Variants in UBE2R2 observed in about 807,000 individuals in gnomAD.
UBE2R2 encodes the protein ubiquitin-conjugating enzyme E2 R2.
In UBE2R2, 1 loss-of-function variant was observed where a neutral mutation model predicts 27.8. The observed-to-expected ratio is 0.04, with a 90% CI of 0.01 to 0.17. The LOEUF is 0.17. Ranked by LOEUF, UBE2R2 falls within the 10% of genes least tolerant of loss-of-function variation. The pLI, the probability that UBE2R2 is intolerant of heterozygous loss-of-function variation, is 1.00. For synonymous variants in UBE2R2, 106 were observed against 113.3 expected, an observed-to-expected ratio of 0.94 and a Z score of 0.41; for missense variants, 100 against 291.0, an observed-to-expected ratio of 0.34 and a Z score of 4.78.
Position 33,895,723 on chromosome 9 carries a change from A to G in UBE2R2, c.265-4451A>G, listed in dbSNP as rs186821892. Among the ~76,000 whole-genome samples, 67 of 150,836 alleles carry G rather than the reference A, an allele frequency of 4.4e-4. 1 individual carries two copies. In the East Asian group the frequency reaches 0.011, roughly 25 times the overall value. On this transcript the variant is annotated intron_variant, in intron 2 of 4. Transcript: ENST00000263228. ...AGCACCGTTTTGTAGTTTTCAACGT[A>G]CAAGTCTTTTCCCTTCCATGACTAG...
chr9:33,920,174 A>G lies in UBE2R2; in HGVS notation c.*2937A>G, dbSNP rs1340074240. 2 of 143,518 alleles carry G rather than the reference A, an allele frequency of 1.4e-5. No individual in the cohort carries two copies. Among genetic ancestry groups the G allele is most frequent in the African/African-American group, 2.8e-5 (1 of 36,030 alleles). The allele number at this position is 143,518 out of a possible 1,614,324, so 8.9% of individuals were successfully genotyped here. A position where few individuals can be genotyped will look rare whatever the true frequency, so the allele number is the denominator to read the frequency against. ...ACAAACAAGGTTTACATTTACAACTAAAAGGATTCAGATGCAATTTTCAAC... is the reference window on the plus strand; with the variant it reads ...ACAAACAAGGTTTACATTTACAACTGAAAGGATTCAGATGCAATTTTCAAC... On this transcript the variant is annotated 3_prime_UTR_variant, in exon 5 of 5. Transcript: ENST00000263228.
At chr9:33,895,772 T>C (rs1220369571) in intron 2 of UBE2R2, among the ~76,000 whole-genome samples, 4 of 139,790 alleles carry the variant, frequency 2.9e-5, no homozygotes, top group Non-Finnish European at 6.2e-5. Context: ...CTCTCTCTTT[T>C]TTTTTTTTTT....
At chr9:33,914,882 A>C (rs1677984539) in intron 4 of UBE2R2, among the ~76,000 whole-genome samples, 1 of 152,052 alleles carries the variant, frequency 6.6e-6, no homozygotes, top group African/African-American at 2.4e-5. Context: ...CACGCCTGTA[A>C]TCCCAGGACT....
At chr9:33,836,264 A>G (rs1259049512) in intron 1 of UBE2R2, among the ~76,000 whole-genome samples, 2 of 152,218 alleles carry the variant, frequency 1.3e-5, no homozygotes, top group Non-Finnish European at 2.9e-5. Flanking sequence ...AGGCTATACC[A>G]TATAGCCTAG....
intron 1 of UBE2R2, among the ~76,000 whole-genome samples, chr9:33,831,297 G>A (rs1820473572): frequency 6.6e-6 from 1 of 151,766 alleles, no homozygotes; most frequent in Admixed American, 6.6e-5. Context: ...AAGAAACAGT[G>A]GCTTAAATCT....
chr9:33,858,551 A>T (rs1821156916), intron 1 of UBE2R2, among the ~76,000 whole-genome samples: 1 of 151,968 alleles, frequency 6.6e-6, no homozygotes, highest in Admixed American at 6.6e-5. Flanking sequence ...AGTAGCTGGG[A>T]TGCACCACCA....
At chr9:33,869,991 AATG>A (rs1275355462) in intron 1 of UBE2R2, among the ~76,000 whole-genome samples, 1 of 138,546 alleles carries the variant, frequency 7.2e-6, no homozygotes, top group Admixed American at 7.2e-5. Flanking sequence ...GGATTACAGG[AATG>A]TGCTACCACA....
chr9:33,871,619 A>G (rs184549112), intron 1 of UBE2R2, among the ~76,000 whole-genome samples: 3 of 152,248 alleles, frequency 2.0e-5, no homozygotes, highest in Non-Finnish European at 4.4e-5. Flanking sequence ...TTAGTCAAAA[A>G]AGATGTAAGG....
intron 2 of UBE2R2, among the ~76,000 whole-genome samples, chr9:33,891,299 A>C (rs1041403493): frequency 1.4e-5 from 2 of 148,022 alleles, no homozygotes. Flanking sequence ...TCGGCCTCCC[A>C]AAGTGCTGGG....
chr9:33,829,641 T>G (rs1820401153), intron 1 of UBE2R2, among the ~76,000 whole-genome samples: 1 of 152,196 alleles, frequency 6.6e-6, no homozygotes, highest in African/African-American at 2.4e-5. Context: ...GTTTATGCTT[T>G]TAAAATAATA....
intron 2 of UBE2R2, among the ~76,000 whole-genome samples, chr9:33,888,606 T>C (rs1028737569): frequency 2.6e-5 from 4 of 152,168 alleles, no homozygotes; most frequent in Admixed American, 1.3e-4. Flanking sequence ...AACCTCCACC[T>C]CCTGGGTTCA....
At chr9:33,832,125 A>T (rs938417550) in intron 1 of UBE2R2, among the ~76,000 whole-genome samples, 1 of 146,936 alleles carries the variant, frequency 6.8e-6, no homozygotes, top group Non-Finnish European at 1.5e-5. Context: ...CCTGACCAAT[A>T]TGGAGAAACC....
chr9:33,848,700 C>G (rs1820898167), intron 1 of UBE2R2, among the ~76,000 whole-genome samples: 3 of 151,660 alleles, frequency 2.0e-5, no homozygotes, highest in Middle Eastern at 6.8e-3. Flanking sequence ...CTCCCAGGTT[C>G]TAGCAATTCT....
chr9:33,887,176 G>T (rs1821878769), intron 2 of UBE2R2, among the ~76,000 whole-genome samples: 1 of 152,144 alleles, frequency 6.6e-6, no homozygotes, highest in South Asian at 2.1e-4. Context: ...ACAGGATAAA[G>T]GATAAAGTAA....
At chr9:33,845,267 G>A (rs1456963045) in intron 1 of UBE2R2, among the ~76,000 whole-genome samples, 1 of 138,490 alleles carries the variant, frequency 7.2e-6, no homozygotes, top group African/African-American at 2.6e-5. Context: ...TTTTTTTTTA[G>A]ACGGAGTCTT....
At chr9:33,916,763 A>G (rs1822653978) in intron 4 of UBE2R2, among the ~76,000 whole-genome samples, 1 of 152,176 alleles carries the variant, frequency 6.6e-6, no homozygotes, top group African/African-American at 2.4e-5. Context: ...TTCTGGCTAT[A>G]ATTGATCCAC....
At chr9:33,864,955 CTCAGGTGA>C (rs1392192342) in intron 1 of UBE2R2, among the ~76,000 whole-genome samples, 3 of 151,940 alleles carry the variant, frequency 2.0e-5, no homozygotes, top group African/African-American at 7.3e-5. Context: ...AACTCCTGAC[CTCAGGTGA>C]TCTGCCCACC....
At chr9:33,869,385 C>T (rs1365643990) in intron 1 of UBE2R2, among the ~76,000 whole-genome samples, 2 of 151,918 alleles carry the variant, frequency 1.3e-5, no homozygotes, top group African/African-American at 4.8e-5. Context: ...TGCTCCAAGT[C>T]AGTTTATACT....
In UBE2R2 at chr9:33,847,384, T is replaced by C. The variant is rs1006854305; in HGVS notation, c.177+29450T>C. On this transcript the variant is annotated intron_variant, in intron 1 of 4. Transcript: ENST00000263228. ...TGCTGGGATTAGAGGCGTGTGCCAC[T>C]GCGCCCGGCCCTGGCTTGCTTAATT... is the stretch of plus-strand genomic sequence containing the variant. 1.1e-4 allele frequency among the ~76,000 whole-genome samples: 16 copies of C among 152,274 alleles called. 1 individual carries two copies. Among genetic ancestry groups the C allele is most frequent in the Admixed American group, 6.5e-4 (10 of 15,268 alleles).
Sources: allele counts gnomAD v4.1 joint callset (sites outside exome capture counted in the v4.1 genomes callset), GRCh38; gene constraint gnomAD v4.1.1; transcripts MANE v1.5; gene names NCBI Gene and HGNC (gene_info 2026-07-23, HGNC 2026-07-21).